Variants in CCSER1 observed in about 807,000 individuals in gnomAD.
The protein encoded by CCSER1 is serine-rich coiled-coil domain-containing protein 1.
A neutral mutation model predicts 82.0 loss-of-function variants in CCSER1; 41 were observed. The observed-to-expected ratio is 0.50, with a 90% confidence interval of 0.39 to 0.65. The LOEUF (loss-of-function observed/expected upper bound fraction) is 0.65. Among genes scored for constraint, CCSER1 ranks in the 30% least tolerant of loss-of-function variants. The pLI is 0.00. For synonymous variants in CCSER1, 414 were observed against 383.9 expected, an observed-to-expected ratio of 1.08 and a Z score of -0.92; for missense variants, 1,119 against 1,064.2, an observed-to-expected ratio of 1.05 and a Z score of -0.72.
Position 91,602,170 on chromosome 4 carries a change from C to G in CCSER1, c.*3113C>G, listed in dbSNP as rs1389050406. On this transcript the variant is annotated 3_prime_UTR_variant, in exon 11 of 11. Transcript: ENST00000509176. ...ATTGACATGAAAATAAAATAGTAAG[C>G]CAATATTAATTTGTAGGCATAGTTG... 6.6e-6 allele frequency among the ~76,000 whole-genome samples: 1 copy of G among 151,846 alleles called. No homozygotes were observed. Among genetic ancestry groups the G allele is most frequent in the African/African-American group, 2.4e-5 (1 of 41,380 alleles).
intron 7 of CCSER1, among the ~76,000 whole-genome samples, chr4:90,784,533 G>A (rs888099784): frequency 6.6e-6 from 1 of 152,000 alleles, no homozygotes; most frequent in African/African-American, 2.4e-5. Context: ...GAGTGGGAGG[G>A]GACTATAAAT....
At chr4:90,847,537 A>G (rs557124918) in intron 8 of CCSER1, among the ~76,000 whole-genome samples, 1 of 152,070 alleles carries the variant, frequency 6.6e-6, no homozygotes, top group Non-Finnish European at 1.5e-5. Flanking sequence ...CATCTTTTAC[A>G]TTAAAATCTT....
intron 10 of CCSER1, among the ~76,000 whole-genome samples, chr4:91,458,925 T>A (rs1434076287): frequency 6.6e-6 from 1 of 152,120 alleles, no homozygotes; most frequent in Non-Finnish European, 1.5e-5. Flanking sequence ...TGACCTCCTC[T>A]CCCTATTTTT....
At chr4:90,974,051 G>T (rs962068787) in intron 9 of CCSER1, among the ~76,000 whole-genome samples, 4 of 151,484 alleles carry the variant, frequency 2.6e-5, no homozygotes, top group African/African-American at 9.7e-5. Flanking sequence ...GGTTTTCAGG[G>T]GCTGGGATAC....
intron 10 of CCSER1, among the ~76,000 whole-genome samples, chr4:91,559,036 C>T (rs1471638847): frequency 6.6e-6 from 1 of 151,524 alleles, no homozygotes; most frequent in Non-Finnish European, 1.5e-5. Flanking sequence ...CTCCACATTG[C>T]TTCCTTTGCT....
At chr4:90,934,176 T>C (rs1395942532) in intron 9 of CCSER1, among the ~76,000 whole-genome samples, 3 of 152,010 alleles carry the variant, frequency 2.0e-5, no homozygotes. Context: ...CATTATCAAA[T>C]GAGTTACAGT....
chr4:90,666,357 A>G (rs1731786061), intron 6 of CCSER1, among the ~76,000 whole-genome samples: 1 of 152,202 alleles, frequency 6.6e-6, no homozygotes, highest in African/African-American at 2.4e-5. Context: ...TTATGGGGCT[A>G]AAATTCTGCC....
chr4:91,201,090 A>T (rs1402956511), intron 10 of CCSER1, among the ~76,000 whole-genome samples: 1 of 152,032 alleles, frequency 6.6e-6, no homozygotes, highest in African/African-American at 2.4e-5. Context: ...TGGAATCTTT[A>T]TCACAATTTC....
intron 10 of CCSER1, among the ~76,000 whole-genome samples, chr4:91,503,143 C>A (rs1350669995): frequency 6.6e-6 from 1 of 151,902 alleles, no homozygotes; most frequent in Non-Finnish European, 1.5e-5. Flanking sequence ...GAGATCGAGA[C>A]CATCCTGGCT....
intron 4 of CCSER1, among the ~76,000 whole-genome samples, chr4:90,448,077 T>G (rs969454104): frequency 1.3e-5 from 2 of 152,162 alleles, no homozygotes; most frequent in Non-Finnish European, 2.9e-5. Flanking sequence ...ATTGCTTATG[T>G]GAAATACTTT....
At chr4:90,920,251 G>T (rs561217819) in intron 8 of CCSER1, among the ~76,000 whole-genome samples, 1 of 114,054 alleles carries the variant, frequency 8.8e-6, no homozygotes, top group Admixed American at 8.2e-5. Flanking sequence ...TAAAGTGAAG[G>T]ATGTATTTAA....
At chr4:91,584,998 C>A (rs1360624039) in intron 10 of CCSER1, among the ~76,000 whole-genome samples, 1 of 151,584 alleles carries the variant, frequency 6.6e-6, no homozygotes, top group Non-Finnish European at 1.5e-5. Context: ...TTCTAAAATA[C>A]TGCTTTGTCA....
chr4:90,760,914 A>T (rs1750323647), intron 7 of CCSER1, among the ~76,000 whole-genome samples: 1 of 152,102 alleles, frequency 6.6e-6, no homozygotes, highest in African/African-American at 2.4e-5. Context: ...AGTAATAGAG[A>T]ACTGCAGGAA....
chr4:91,475,658 G>A (rs568565592), intron 10 of CCSER1, among the ~76,000 whole-genome samples: 1 of 151,834 alleles, frequency 6.6e-6, no homozygotes, highest in East Asian at 1.9e-4. Flanking sequence ...TTTGTGTGGG[G>A]AACATTACAA....
chr4:90,318,597 C>T (rs1423511441), intron 3 of CCSER1, among the ~76,000 whole-genome samples: 1 of 151,888 alleles, frequency 6.6e-6, no homozygotes, highest in Non-Finnish European at 1.5e-5. Context: ...TCGTTAGCAT[C>T]TCATATCACA....
intron 1 of CCSER1, among the ~76,000 whole-genome samples, chr4:90,297,951 T>C (rs1732310068): frequency 6.6e-6 from 1 of 152,142 alleles, no homozygotes; most frequent in South Asian, 2.1e-4. Flanking sequence ...TGGTCTAAAA[T>C]TCTCTTTTTT....
intron 10 of CCSER1, among the ~76,000 whole-genome samples, chr4:91,534,016 C>A (rs1465942409): frequency 6.6e-6 from 1 of 152,002 alleles, no homozygotes; most frequent in African/African-American, 2.4e-5. Context: ...AAGAATGCTT[C>A]TTTCAAGCTA....
At chr4:90,685,870 G>A (rs1253421511) in intron 6 of CCSER1, among the ~76,000 whole-genome samples, 4 of 152,156 alleles carry the variant, frequency 2.6e-5, no homozygotes, top group Admixed American at 2.6e-4. Flanking sequence ...TCTGACAGTT[G>A]TATTTGATGA....
intron 5 of CCSER1, among the ~76,000 whole-genome samples, chr4:90,583,150 A>G (rs964541729): frequency 6.6e-6 from 1 of 152,078 alleles, no homozygotes; most frequent in Non-Finnish European, 1.5e-5. Context: ...ATTATTTCAC[A>G]TTTTAAAAAT....
Sources: gnomAD v4.1 joint callset for allele counts (sites outside exome capture counted in the v4.1 genomes callset) on GRCh38, gnomAD v4.1.1 for gene constraint, MANE v1.5 for transcripts, NCBI Gene and HGNC (gene_info 2026-07-23, HGNC 2026-07-21) for gene names.